The following CABIN1 variants were observed in gnomAD, a reference collection of about 807,000 sequenced individuals.
The protein encoded by CABIN1 is calcineurin-binding protein cabin-1.
Under a neutral mutation model 227.7 loss-of-function variants are expected in CABIN1, and 133 were observed. The ratio of observed to expected loss-of-function variants is 0.58; its 90% CI spans 0.51 to 0.67. The LOEUF (loss-of-function observed/expected upper bound fraction) is 0.67, where lower values mean the gene tolerates loss of function less well. CABIN1 is among the 30% of genes least tolerant of loss of function. The probability of loss-of-function intolerance (pLI) is 0.00; values close to 1 mark genes in which losing one functional copy is unlikely to be tolerated. For synonymous variants in CABIN1, 1,086 were observed against 1,155.1 expected (o/e 0.94, Z 1.21); for missense variants, 2,408 against 2,852.5 (o/e 0.84, Z 3.55).
At chr22:24,118,442 G>A (rs547032781) in intron 27 of CABIN1, among the ~76,000 whole-genome samples, 1 of 152,240 alleles carries the variant, frequency 6.6e-6, no homozygotes, top group East Asian at 1.9e-4. Context: ...CCCTGCCCCA[G>A]CAGGCCCCAG....
intron 5 of CABIN1, 75 bp from the exon 6 acceptor site, chr22:24,042,829 T>A (rs1256004487): frequency 1.7e-6 from 1 of 590,678 alleles, no homozygotes; most frequent in African/African-American, 2.2e-5. Flanking sequence ...TGTGTGTGTG[T>A]GTGTGTGTGT....
chr22:24,055,233 G>T, intron 9 of CABIN1, 74 bp downstream of exon 9: 1 of 1,525,076 alleles, frequency 6.6e-7, no homozygotes, highest in South Asian at 1.1e-5. Flanking sequence ...GACTGCTGGG[G>T]AGCCCTGCCT....
At chr22:24,049,821 C>T (rs930481100) in intron 7 of CABIN1, among the ~76,000 whole-genome samples, 1 of 152,134 alleles carries the variant, frequency 6.6e-6, no homozygotes, top group Non-Finnish European at 1.5e-5. Flanking sequence ...GCTCTAAACT[C>T]TCATGCCATC....
chr22:24,102,830 T>C (rs916228692), intron 26 of CABIN1, among the ~76,000 whole-genome samples: 1 of 152,040 alleles, frequency 6.6e-6, no homozygotes, highest in East Asian at 1.9e-4. Flanking sequence ...CAGGCTACCT[T>C]GAGCCCCAGG....
Position 24,060,015 on chromosome 22 carries a change from C to T in CABIN1, c.1491C>T (p.His497=). The T allele has an allele frequency of 6.2e-7, 1 of 1,614,230 alleles. No homozygotes were observed. The highest frequency in any genetic ancestry group is 1.1e-5 in the South Asian group (1 of 91,084). ...LMMRYLKAMG[H]KFLVRWPPGL... is the part of the protein sequence containing the mutation. ...TGCGCTACCTGAAAGCCATGGGCCA[C>T]AAGTTCTTGGTAAGGTGGCCTCCAG... Residue 497 remains histidine (H), a synonymous_variant, in exon 12 of 37, where the codon CAC becomes CAT. Transcript: ENST00000263119.
At chr22:24,053,267 G>A (rs1220731503) in intron 8 of CABIN1, among the ~76,000 whole-genome samples, 1 of 151,600 alleles carries the variant, frequency 6.6e-6, no homozygotes, top group Non-Finnish European at 1.5e-5. Flanking sequence ...TAGTAGAGAT[G>A]GGGTTTCACC....
intron 33 of CABIN1, among the ~76,000 whole-genome samples, chr22:24,170,320 G>T (rs2046720402): frequency 6.6e-6 from 1 of 152,198 alleles, no homozygotes; most frequent in African/African-American, 2.4e-5. Flanking sequence ...GCCCCTCAGG[G>T]AGTGTCCATT....
chr22:24,011,952 C>A (rs2146320974), intron 1 of CABIN1, among the ~76,000 whole-genome samples: 1 of 152,352 alleles, frequency 6.6e-6, no homozygotes, highest in East Asian at 1.9e-4. Context: ...CTTAACTCTT[C>A]AGGACCTGGG....
At chr22:24,039,910 G>A (rs187080550) in intron 4 of CABIN1, among the ~76,000 whole-genome samples, 2 of 152,330 alleles carry the variant, frequency 1.3e-5, no homozygotes, top group Admixed American at 6.5e-5. Flanking sequence ...ATAGGCCCTG[G>A]ACCCCAGCTG....
intron 4 of CABIN1, 145 bp from the exon 5 acceptor site, chr22:24,040,994 G>A (rs2037324196): frequency 2.3e-6 from 2 of 883,768 alleles, no homozygotes; most frequent in East Asian, 2.5e-5. Flanking sequence ...AACACATGGT[G>A]CAGTGCCTTC....
At chr22:24,041,370 A>G (rs1194429428) in intron 5 of CABIN1, 97 bp downstream of exon 5, 1 of 1,489,558 alleles carries the variant, frequency 6.7e-7, no homozygotes, top group East Asian at 2.3e-5. Flanking sequence ...AAGAGTTTGT[A>G]GTGGTGGATC....
At chr22:24,156,761 G>T (rs1263374602) in intron 29 of CABIN1, among the ~76,000 whole-genome samples, 1 of 152,190 alleles carries the variant, frequency 6.6e-6, no homozygotes, top group Non-Finnish European at 1.5e-5. Flanking sequence ...GGTAACGGTT[G>T]CATGGGATGG....
At chr22:24,164,659 A>T in intron 30 of CABIN1, 96 bp downstream of exon 30, 1 of 1,374,830 alleles carries the variant, frequency 7.3e-7, no homozygotes. Flanking sequence ...CCCAGCTGTG[A>T]GGACCACTGG....
chr22:24,068,135 T>C (rs182425919), intron 16 of CABIN1, among the ~76,000 whole-genome samples: 19 of 152,270 alleles, frequency 1.2e-4, no homozygotes, highest in Admixed American at 2.6e-4. Context: ...GGTGCGACTA[T>C]GGGAACAAAT....
chr22:24,090,612 G>T (rs2041483079), intron 23 of CABIN1, among the ~76,000 whole-genome samples: 3 of 151,272 alleles, frequency 2.0e-5, no homozygotes, highest in Admixed American at 2.0e-4. Flanking sequence ...TTGCTACAGG[G>T]TTTTCACATA....
chr22:24,074,117 GA>G (rs940695110), intron 18 of CABIN1, among the ~76,000 whole-genome samples: 6 of 150,968 alleles, frequency 4.0e-5, no homozygotes, highest in African/African-American at 9.7e-5. Context: ...TTTTAGTGGT[GA>G]AAAAAAACCT....
At position 24,177,748 on chromosome 22, in the gene CABIN1, C is replaced by T; in HGVS notation, c.6450C>T (p.Val2150=). Residue 2150 remains valine (V), a synonymous_variant, in exon 36 of 37, where the codon GTC becomes GTT. Transcript: ENST00000263119. This position sits in a 1 kb window ranked among gnomAD's most constrained non-coding sequence, Gnocchi z 4.4. Reference sequence around the variant, plus strand: ...CCAAGTTCCCCCCTGAGATCACCGTCACGCCACCCACCCCAACCCTGCTCT... The same window carrying T: ...CCAAGTTCCCCCCTGAGATCACCGTTACGCCACCCACCCCAACCCTGCTCT... ...AATKFPPEIT[V]TPPTPTLLSP... is the part of the protein sequence containing the mutation. The T allele has an allele frequency of 6.2e-7, 1 of 1,611,998 alleles. No individual in the cohort carries two copies. The highest frequency in any genetic ancestry group is 8.5e-7 in the Non-Finnish European group (1 of 1,178,540).
chr22:24,129,116 A>T lies in CABIN1; in HGVS notation c.4633-5186A>T, dbSNP rs1433613308. On this transcript the variant is annotated intron_variant, in intron 28 of 36. Transcript: ENST00000263119. ...CTTACGGCTTTGCACATCTTGGGAC[A>T]GCAGGTGTCCCCAGAGGGTAGTAGT... 3.3e-5 allele frequency among the ~76,000 whole-genome samples: 5 copies of T among 152,314 alleles called. No individual in the cohort carries two copies. The East Asian group carries it at 9.7e-4, about 29-fold the overall frequency.
chr22:24,175,837 A>C, intron 34 of CABIN1: 1 of 556,154 alleles, frequency 1.8e-6, no homozygotes, highest in Non-Finnish European at 3.2e-6. Flanking sequence ...TCGAAGACTC[A>C]GGTGTGGCCC....
Sources: gnomAD v4.1 joint callset for allele counts (sites outside exome capture counted in the v4.1 genomes callset) on GRCh38, gnomAD v4.1.1 for gene constraint, Gnocchi (gnomAD v3.1) non-coding constraint, MANE v1.5 for transcripts, NCBI Gene and HGNC (gene_info 2026-07-23, HGNC 2026-07-21) for gene names.